WWOX: variants seen among roughly 807,000 people sequenced by gnomAD.
WWOX encodes WW domain containing oxidoreductase, also known as WW domain-containing oxidoreductase.
WWOX carries 69 observed loss-of-function variants against 46.2 expected under a neutral mutation model. That is an observed-to-expected ratio of 1.49 (90% CI 1.23 to 1.82). The LOEUF (loss-of-function observed/expected upper bound fraction) is 1.82. WWOX is among the 40% of genes most tolerant of loss of function. The pLI is 0.00. For synonymous variants in WWOX, 359 were observed against 202.6 expected, an observed-to-expected ratio of 1.77 and a Z score of -6.56; for missense variants, 919 against 542.6, an observed-to-expected ratio of 1.69 and a Z score of -6.89.
At chr16:78,604,300 C>A (rs976930279) in intron 8 of WWOX, among the ~76,000 whole-genome samples, 1 of 152,148 alleles carries the variant, frequency 6.6e-6, no homozygotes, top group Non-Finnish European at 1.5e-5. Flanking sequence ...CATGGTCTTA[C>A]ATCTTGTCCT....
intron 8 of WWOX, among the ~76,000 whole-genome samples, chr16:78,953,097 CT>C (rs1448906019): frequency 6.6e-6 from 1 of 151,686 alleles, no homozygotes. Context: ...ACCAAATTGA[CT>C]GTTAAATTCA....
chr16:78,265,089 C>G (rs945406172), intron 5 of WWOX, among the ~76,000 whole-genome samples: 3 of 150,656 alleles, frequency 2.0e-5, no homozygotes, highest in Non-Finnish European at 4.4e-5. Flanking sequence ...CAACCTCTGC[C>G]TGCCTGGTTC....
chr16:79,177,722 A>C (rs12444578), intron 8 of WWOX, among the ~76,000 whole-genome samples: 1 of 151,970 alleles, frequency 6.6e-6, no homozygotes, highest in Non-Finnish European at 1.5e-5. Flanking sequence ...AGCCTTACTT[A>C]TTCTTTTACA....
At chr16:78,608,968 A>G (rs1031751722) in intron 8 of WWOX, among the ~76,000 whole-genome samples, 6 of 152,162 alleles carry the variant, frequency 3.9e-5, no homozygotes, top group African/African-American at 1.4e-4. Context: ...TTTATGACAA[A>G]TAATCTAGCA....
In WWOX at chr16:78,632,784, C is replaced by T. The variant is rs143847386; in HGVS notation, c.1056+200032C>T. ...TGTTGGTCAGACTGGTCTCGAACTC[C>T]TGACCTCAGGTGATCCACCCGCCTC... On this transcript the variant is annotated intron_variant, in intron 8 of 8. Transcript: ENST00000566780. Among the ~76,000 whole-genome samples, 647 of 151,908 alleles carry T rather than the reference C, an allele frequency of 4.3e-3. 6 individuals carry two copies. Among genetic ancestry groups the T allele is most frequent in the African/African-American group, 0.015 (621 of 41,442 alleles).
chr16:79,106,218 G>T (rs1354054450), intron 8 of WWOX, among the ~76,000 whole-genome samples: 2 of 152,192 alleles, frequency 1.3e-5, no homozygotes, highest in Non-Finnish European at 2.9e-5. Flanking sequence ...GCCTGCTAAA[G>T]TTTGATGCCT....
Position 78,099,669 on chromosome 16 carries a change from G to T in WWOX, c.-110G>T. The T allele has an allele frequency of 1.5e-6, 2 of 1,368,788 alleles. No homozygotes were observed. Among genetic ancestry groups the T allele is most frequent in the South Asian group, 3.1e-5 (2 of 64,328 alleles). 84.8% of individuals were successfully genotyped at this position (1,368,788 alleles called of 1,614,324 possible). ...CCTGGAGGGCGCAGTGCGCAGGCGT[G>T]AGCGGTCGGGCCCCGACGCGCGCGG... On this transcript the variant is annotated 5_prime_UTR_variant, in exon 1 of 9. Coordinates refer to ENST00000566780, the MANE Select transcript of WWOX (RefSeq NM_016373.4).
chr16:78,609,717 C>A (rs912183320), intron 8 of WWOX, among the ~76,000 whole-genome samples: 4 of 152,000 alleles, frequency 2.6e-5, no homozygotes, highest in Admixed American at 6.6e-5. Context: ...TCTGGGCTAT[C>A]AAAAATATAG....
intron 8 of WWOX, among the ~76,000 whole-genome samples, chr16:78,812,724 C>G (rs542897459): frequency 6.7e-6 from 1 of 148,648 alleles, no homozygotes; most frequent in Non-Finnish European, 1.5e-5. Context: ...AGACTCCATC[C>G]TCCCACCCCC....
intron 8 of WWOX, among the ~76,000 whole-genome samples, chr16:78,828,242 G>C (rs951415902): frequency 6.6e-6 from 1 of 152,180 alleles, no homozygotes; most frequent in Non-Finnish European, 1.5e-5. Context: ...CAGTGGCAAA[G>C]ACAATGACAA....
chr16:78,332,016 G>A (rs1452036413), intron 5 of WWOX, among the ~76,000 whole-genome samples: 1 of 152,134 alleles, frequency 6.6e-6, no homozygotes, highest in Non-Finnish European at 1.5e-5. Flanking sequence ...GGTCAAGTTT[G>A]GAACGCCATT....
At chr16:78,980,884 G>T (rs1219607024) in intron 8 of WWOX, among the ~76,000 whole-genome samples, 1 of 152,202 alleles carries the variant, frequency 6.6e-6, no homozygotes, top group Non-Finnish European at 1.5e-5. Context: ...GACTCAGTGG[G>T]TAAATGTAGA....
chr16:78,363,346 C>T (rs1156844029), intron 5 of WWOX, among the ~76,000 whole-genome samples: 1 of 151,780 alleles, frequency 6.6e-6, no homozygotes, highest in African/African-American at 2.4e-5. Flanking sequence ...CGATGACAGC[C>T]CACTCCAGCC....
intron 5 of WWOX, among the ~76,000 whole-genome samples, chr16:78,277,698 C>T (rs913147158): frequency 1.3e-5 from 2 of 152,014 alleles, no homozygotes; most frequent in African/African-American, 2.4e-5. Flanking sequence ...TTTGTGGGGC[C>T]GTTTCATGTT....
At chr16:78,660,565 A>C (rs2142170056) in intron 8 of WWOX, among the ~76,000 whole-genome samples, 1 of 152,224 alleles carries the variant, frequency 6.6e-6, no homozygotes, top group South Asian at 2.1e-4. Flanking sequence ...AAAAGTGTTT[A>C]CTGTTTATTT....
At chr16:78,949,735 G>A (rs2046020608) in intron 8 of WWOX, among the ~76,000 whole-genome samples, 1 of 152,124 alleles carries the variant, frequency 6.6e-6, no homozygotes. Flanking sequence ...TACCTTGCGG[G>A]GCAAACACAA....
chr16:79,120,790 A>G lies in WWOX; in HGVS notation c.1057-90818A>G, dbSNP rs150199820. On this transcript the variant is annotated intron_variant, in intron 8 of 8. Transcript: ENST00000566780. Reference sequence around the variant, plus strand: ...TTTTTTGTTGTTGTTTGTTTCTGAGACACAGTCTCACTCTGTTGCCCCGGC... The same window carrying G: ...TTTTTTGTTGTTGTTTGTTTCTGAGGCACAGTCTCACTCTGTTGCCCCGGC... 4.5e-3 allele frequency among the ~76,000 whole-genome samples: 689 copies of G among 152,248 alleles called. 7 individuals are homozygous for G. The highest frequency in any genetic ancestry group is 0.016 in the African/African-American group (665 of 41,546).
chr16:78,823,613 A>T (rs1340066595), intron 8 of WWOX, among the ~76,000 whole-genome samples: 2 of 152,154 alleles, frequency 1.3e-5, no homozygotes, highest in Non-Finnish European at 2.9e-5. Context: ...TTGTTTGATA[A>T]AACAGACCCA....
intron 5 of WWOX, among the ~76,000 whole-genome samples, chr16:78,246,274 G>A (rs1308809011): frequency 1.3e-5 from 2 of 152,190 alleles, no homozygotes; most frequent in Non-Finnish European, 2.9e-5. Context: ...CCAAAGAGCT[G>A]TGTATGGAAA....
Sources: allele counts gnomAD v4.1 joint callset (sites outside exome capture counted in the v4.1 genomes callset), GRCh38; gene constraint gnomAD v4.1.1; transcripts MANE v1.5; gene names NCBI Gene and HGNC (gene_info 2026-07-23, HGNC 2026-07-21).